Variants in TLX3 observed in about 807,000 individuals in gnomAD.
TLX3 encodes the protein T cell leukemia homeobox 3, also known as T-cell leukemia homeobox protein 3.
TLX3 carries 11 observed loss-of-function variants against 19.6 expected under a neutral mutation model. That is an observed-to-expected ratio of 0.56 (90% CI 0.35 to 0.93). The LOEUF (loss-of-function observed/expected upper bound fraction) is 0.93. Ranked by LOEUF, TLX3 falls within the 40% of genes least tolerant of loss-of-function variation. The pLI, the probability that TLX3 is intolerant of heterozygous loss-of-function variation, is 0.01. For synonymous variants in TLX3, 221 were observed against 188.1 expected (o/e 1.17, Z -1.43); for missense variants, 375 against 418.6 (o/e 0.90, Z 0.91).
chr5:171,309,336 AG>A lies in TLX3; in HGVS notation c.-29del. The A allele has an allele frequency of 2.9e-6, 1 of 341,484 alleles. No individual in the cohort carries two copies. The highest frequency in any genetic ancestry group is 4.9e-6 in the Non-Finnish European group (1 of 203,812). The allele number at this position is 341,484 out of a possible 1,614,324, so 21.2% of individuals were successfully genotyped here. On this transcript the variant is annotated 5_prime_UTR_variant, in exon 1 of 3. Coordinates refer to ENST00000296921, the MANE Select transcript of TLX3 (RefSeq NM_021025.4). ...CGGGGACCCAGCCGCCTCCCCGCCC[AG>A]CCCAGCCCAGCCCTTCCGCCCGCCC... is the stretch of plus-strand genomic sequence containing the variant.
In TLX3 at chr5:171,309,372, G is replaced by A; in HGVS notation, c.7G>A (p.Ala3Thr). The A allele has an allele frequency of 6.3e-7, 1 of 1,592,820 alleles. No individual in the cohort carries two copies. Among genetic ancestry groups the A allele is most frequent in the Non-Finnish European group, 8.5e-7 (1 of 1,172,804 alleles). ME[A>T]PASAQTPHPH... Reference sequence around the variant, plus strand: ...GCCCTTCCGCCCGCCCAGGATGGAGGCGCCCGCCAGCGCGCAGACCCCGCA... The same window carrying A: ...GCCCTTCCGCCCGCCCAGGATGGAGACGCCCGCCAGCGCGCAGACCCCGCA... Residue 3 changes from alanine (A) to threonine (T), a missense_variant, in exon 1 of 3, where the codon GCG becomes ACG. Physicochemically the swap from Ala to Thr is moderately conservative, Grantham distance 58. Around this residue, in one of 3 missense-constraint regions of TLX3, gnomAD observed 239 missense variants for 217.0 expected, o/e 1.10. Coordinates refer to ENST00000296921, the MANE Select transcript of TLX3 (RefSeq NM_021025.4).
rs1464945279 is a variant in TLX3 at position 171,309,556 on chromosome 5, C to T, written c.191C>T (p.Ala64Val). ...TACCCGTCTCTGCCCGCCTCCTTTG[C>T]GGGCCTCGGCGCGCCCTTCGAGGAC... The part of the protein sequence containing the change: ...ATYPSLPASF[A>V]GLGAPFEDAG... The change falls in exon 1 of 3, where the codon GCG becomes GTG. Residue 64 changes from alanine (A) to valine (V), a missense_variant. Ala to Val is a moderately conservative substitution (Grantham distance 64). Coordinates refer to ENST00000296921, the MANE Select transcript of TLX3 (RefSeq NM_021025.4). 1 of 1,579,772 alleles carries T rather than the reference C, an allele frequency of 6.3e-7. No individual in the cohort carries two copies.
chr5:171,310,407 G>T lies in TLX3; in HGVS notation c.665+14G>T. 1 of 1,611,626 alleles carries T rather than the reference G, an allele frequency of 6.2e-7. No homozygotes were observed. Among genetic ancestry groups the T allele is most frequent in the South Asian group, 1.1e-5 (1 of 90,822 alleles). On this transcript the variant is annotated intron_variant, in intron 2 of 2. Coordinates refer to ENST00000296921, the MANE Select transcript of TLX3 (RefSeq NM_021025.4). The stretch of plus-strand genomic sequence containing the variant: ...GACCAAGTGGCGGTGAGAGAGGCCT[G>T]ACCCGGCCCACCTTACACCTGCCCT...
rs1223942956 is a variant in TLX3, at chr5:171,309,455, C to G, written c.90C>G (p.Asp30Glu). ...IDQILNSPDQ[D>E]SAPAPRGPDG... The stretch of plus-strand genomic sequence containing the variant: ...AGATCCTTAACAGCCCGGACCAGGA[C>G]AGCGCACCCGCCCCGCGGGGCCCCG... The change falls in exon 1 of 3, where the codon GAC (aspartate) becomes GAG (glutamate). Residue 30 changes from aspartate to glutamate, a missense_variant. This residue lies in a region of TLX3 where 239 missense variants were observed against 217.0 expected (regional missense o/e 1.10). Transcript: ENST00000296921. 6.2e-7 allele frequency: 1 copy of G among 1,602,228 alleles called. No homozygotes were observed. Among genetic ancestry groups the G allele is most frequent in the East Asian group, 2.3e-5 (1 of 43,924 alleles).
At position 171,311,421 on chromosome 5, in the gene TLX3, G is replaced by A. The variant is rs781579462; in HGVS notation, c.698G>A (p.Arg233Gln). 6 of 1,564,690 alleles carry A rather than the reference G, an allele frequency of 3.8e-6. No homozygotes were observed. The South Asian group carries it at 4.7e-5, about 12-fold the overall frequency. The change falls in exon 3 of 3, where the codon CGG becomes CAG. Residue 233 changes from arginine to glutamine, a missense_variant. Arg to Gln is a conservative substitution (Grantham distance 43). This residue lies in a region of TLX3 where 74 missense variants were observed against 138.6 expected (regional missense o/e 0.53). Transcript: ENST00000296921. This position sits in a 1 kb window ranked among gnomAD's most constrained non-coding sequence, Gnocchi z 5.1. ...ACGGCGGAGGAGCGGGAGGCGGAGC[G>A]GCAGCAGGCGAGCCGGCTCATGCTG... ...RQTAEEREAE[R>Q]QQASRLMLQL...
Position 171,309,492 on chromosome 5 carries a change from T to A in TLX3, c.127T>A (p.Tyr43Asn). 6.3e-7 allele frequency: 1 copy of A among 1,583,140 alleles called. No homozygotes were observed. The highest frequency in any genetic ancestry group is 8.6e-7 in the Non-Finnish European group (1 of 1,166,964). ...CCCGCGGGGCCCCGACGGCGCCAGC[T>A]ACCTGGGAGGGCCCCCCGGGGGCCG... is the stretch of plus-strand genomic sequence containing the variant. ...PAPRGPDGAS[Y>N]LGGPPGGRPG... Residue 43 changes from tyrosine to asparagine, a missense_variant, in exon 1 of 3, where the codon TAC (tyrosine) becomes AAC (asparagine). By Grantham distance (143) the Tyr-to-Asn change is moderately radical. Around this residue, in one of 3 missense-constraint regions of TLX3, gnomAD observed 239 missense variants for 217.0 expected, o/e 1.10. Coordinates refer to ENST00000296921, the MANE Select transcript of TLX3 (RefSeq NM_021025.4).
Position 171,311,475 on chromosome 5 carries a change from G to A in TLX3, c.752G>A (p.Ser251Asn), listed in dbSNP as rs1231229372. Residue 251 changes from serine to asparagine, a missense_variant, in exon 3 of 3, where the codon AGC (serine) becomes AAC (asparagine). Transcript: ENST00000296921. This position sits in a 1 kb window ranked among gnomAD's most constrained non-coding sequence, Gnocchi z 5.1. ...CTGCAACACGACGCCTTCCAAAAGA[G>A]CCTCAACGACTCCATCCAGCCTGAC... Reference protein sequence around the residue: ...LQLQHDAFQKSLNDSIQPDPL... With the variant: ...LQLQHDAFQKNLNDSIQPDPL... 1.9e-6 allele frequency: 3 copies of A among 1,600,184 alleles called. No homozygotes were observed. Among genetic ancestry groups the A allele is most frequent in the Non-Finnish European group, 2.6e-6 (3 of 1,173,088 alleles).
rs1216406514 is a variant in TLX3, at chr5:171,311,389, G to A, written c.666G>A (p.Arg222=). The A allele has an allele frequency of 1.9e-6, 3 of 1,552,170 alleles. No individual in the cohort carries two copies. The highest frequency in any genetic ancestry group is 2.7e-5 in the African/African-American group (2 of 73,174). Residue 222 remains arginine, a splice_region_variant and synonymous_variant, in exon 3 of 3, where the codon CGG becomes CGA. Coordinates refer to ENST00000296921, the MANE Select transcript of TLX3 (RefSeq NM_021025.4). The surrounding 1 kb of genome is among the most constrained non-coding windows in gnomAD (Gnocchi z 5.1). ...TGTCCCTCTCCCTCCCCCGGTGCAG[G>A]CGGCAGACGGCGGAGGAGCGGGAGG... ...TWFQNRRTKW[R]RQTAEEREAE... is the part of the protein sequence containing the mutation.
rs1489560506 is a variant in TLX3, at chr5:171,311,238, C to T, written c.666-151C>T. The T allele has an allele frequency of 6.3e-6, 4 of 635,928 alleles. No homozygotes were observed. The highest frequency in any genetic ancestry group is 1.1e-5 in the Non-Finnish European group (4 of 372,854). The allele number at this position is 635,928 out of a possible 1,614,324, so 39.4% of individuals were successfully genotyped here. On this transcript the variant is annotated intron_variant, in intron 2 of 2. Transcript: ENST00000296921. The surrounding 1 kb of genome is among the most constrained non-coding windows in gnomAD (Gnocchi z 5.1). Reference sequence around the variant, plus strand: ...CTAACCGGCTCCCTGGATATAAGAGCCTCGGGCGTAAAGCGCGGGCTGGGA... The same window carrying T: ...CTAACCGGCTCCCTGGATATAAGAGTCTCGGGCGTAAAGCGCGGGCTGGGA...
At position 171,311,534 on chromosome 5, in the gene TLX3, C is replaced by T; in HGVS notation, c.811C>T (p.Leu271=). The change falls in exon 3 of 3, where the codon CTG becomes TTG. Residue 271 remains leucine (L), a synonymous_variant. Coordinates refer to ENST00000296921, the MANE Select transcript of TLX3 (RefSeq NM_021025.4). This position sits in a 1 kb window ranked among gnomAD's most constrained non-coding sequence, Gnocchi z 5.1. ...TCTGCACAACTCGTCACTCTTTGCTCTGCAGAATCTGCAGCCCTGGGAGGA... is the reference window on the plus strand; with the variant it reads ...TCTGCACAACTCGTCACTCTTTGCTTTGCAGAATCTGCAGCCCTGGGAGGA... ...LCLHNSSLFA[L]QNLQPWEEDS... The T allele has an allele frequency of 6.2e-7, 1 of 1,613,380 alleles. No individual in the cohort carries two copies. Among genetic ancestry groups the T allele is most frequent in the Admixed American group, 1.7e-5 (1 of 59,988 alleles).
Position 171,310,289 on chromosome 5 carries a change from C to T in TLX3, c.561C>T (p.Arg187=). Residue 187 remains arginine (R), a synonymous_variant, in exon 2 of 3, where the codon CGC becomes CGT. Coordinates refer to ENST00000296921, the MANE Select transcript of TLX3 (RefSeq NM_021025.4). ...QICELEKRFH[R]QKYLASAERA... is the part of the protein sequence containing the mutation. ...GCGAGCTGGAAAAGCGCTTCCATCG[C>T]CAGAAGTACCTGGCCTCTGCCGAGA... 1.3e-6 allele frequency: 2 copies of T among 1,597,994 alleles called. No individual in the cohort carries two copies. Among genetic ancestry groups the T allele is most frequent in the Non-Finnish European group, 1.7e-6 (2 of 1,172,714 alleles).
At position 171,311,608 on chromosome 5, in the gene TLX3, G is replaced by C. The variant is rs776450685; in HGVS notation, c.*9G>C. The C allele has an allele frequency of 1.8e-5, 29 of 1,595,308 alleles. No homozygotes were observed. In the East Asian group the frequency reaches 6.4e-4, roughly 35 times the overall value. ...TCACCTCCCTGGTGTGAGCCCACCAGCGCGCACCGTCGCCACGGATCGCCG... is the reference window on the plus strand; with the variant it reads ...TCACCTCCCTGGTGTGAGCCCACCACCGCGCACCGTCGCCACGGATCGCCG... On this transcript the variant is annotated 3_prime_UTR_variant, in exon 3 of 3. Transcript: ENST00000296921. The surrounding 1 kb of genome is among the most constrained non-coding windows in gnomAD (Gnocchi z 5.1).
chr5:171,311,546 C>T lies in TLX3; in HGVS notation c.823C>T (p.Gln275Ter), dbSNP rs369063976. 2.5e-6 allele frequency: 4 copies of T among 1,613,088 alleles called. No homozygotes were observed. Among genetic ancestry groups the T allele is most frequent in the African/African-American group, 1.3e-5 (1 of 74,912 alleles). Residue 275 changes from glutamine (Q) to a stop codon, truncating the protein, a stop_gained, in exon 3 of 3, where the codon CAG (glutamine) becomes TAG (stop). Coordinates refer to ENST00000296921, the MANE Select transcript of TLX3 (RefSeq NM_021025.4). LOFTEE classifies it high-confidence loss of function. The surrounding 1 kb of genome is among the most constrained non-coding windows in gnomAD (Gnocchi z 5.1). ...NSSLFALQNLQPWEEDSSKVP... is the reference protein window; with the variant it reads ...NSSLFALQNL The stretch of plus-strand genomic sequence containing the variant: ...GTCACTCTTTGCTCTGCAGAATCTG[C>T]AGCCCTGGGAGGAGGATAGTTCCAA...
chr5:171,309,841 G>A, intron 1 of TLX3, 55 bp downstream of exon 1: 1 of 1,488,650 alleles, frequency 6.7e-7, no homozygotes, highest in East Asian at 2.3e-5. Context: ...GGCCAGAGGC[G>A]CCGCGCCCTG....
Position 171,309,340 on chromosome 5 carries a change from C to T in TLX3, c.-26C>T. On this transcript the variant is annotated 5_prime_UTR_variant, in exon 1 of 3. Transcript: ENST00000296921. The stretch of plus-strand genomic sequence containing the variant: ...GACCCAGCCGCCTCCCCGCCCAGCC[C>T]AGCCCAGCCCTTCCGCCCGCCCAGG... The T allele has an allele frequency of 1.5e-6, 2 of 1,373,332 alleles. No individual in the cohort carries two copies. The highest frequency in any genetic ancestry group is 2.0e-6 in the Non-Finnish European group (2 of 1,004,494). The allele number at this position is 1,373,332 out of a possible 1,614,324, so 85.1% of individuals were successfully genotyped here.
chr5:171,311,386 C>G lies in TLX3; in HGVS notation c.666-3C>G. On this transcript the variant is annotated splice_polypyrimidine_tract_variant and splice_region_variant and intron_variant, in intron 2 of 2. Transcript: ENST00000296921. The surrounding 1 kb of genome is among the most constrained non-coding windows in gnomAD (Gnocchi z 5.1). ...TACTGTCCCTCTCCCTCCCCCGGTG[C>G]AGGCGGCAGACGGCGGAGGAGCGGG... 1 of 1,551,470 alleles carries G rather than the reference C, an allele frequency of 6.4e-7. No homozygotes were observed. Among genetic ancestry groups the G allele is most frequent in the Non-Finnish European group, 8.7e-7 (1 of 1,148,110 alleles).
In TLX3 at chr5:171,309,630, C is replaced by A; in HGVS notation, c.265C>A (p.Arg89=). 1.2e-6 allele frequency: 2 copies of A among 1,607,764 alleles called. No individual in the cohort carries two copies. Among genetic ancestry groups the A allele is most frequent in the East Asian group, 2.2e-5 (1 of 44,712 alleles). ...GAGCCTAGCGCCCGCAGGCGTGATC[C>A]GGGTGCCGGCGCACAGGCCGCTGCC... ...NLSLAPAGVI[R]VPAHRPLPGA... The change falls in exon 1 of 3, where the codon CGG becomes AGG. Residue 89 remains arginine, a synonymous_variant. Transcript: ENST00000296921.
Position 171,311,215 on chromosome 5 carries a change from A to G in TLX3, c.666-174A>G, listed in dbSNP as rs2113030448. Among the ~76,000 whole-genome samples the G allele has an allele frequency of 6.6e-6, 1 of 152,242 alleles. No homozygotes were observed. The highest frequency in any genetic ancestry group is 2.1e-4 in the South Asian group (1 of 4,820). ...GCACACAACAAAAACAAATGATCCT[A>G]ACCGGCTCCCTGGATATAAGAGCCT... On this transcript the variant is annotated intron_variant, in intron 2 of 2. Coordinates refer to ENST00000296921, the MANE Select transcript of TLX3 (RefSeq NM_021025.4). This position sits in a 1 kb window ranked among gnomAD's most constrained non-coding sequence, Gnocchi z 5.1.
rs1445676179 is a variant in TLX3 at position 171,312,115 on chromosome 5, T to TA, written c.*522dup. On this transcript the variant is annotated 3_prime_UTR_variant, in exon 3 of 3. Transcript: ENST00000296921. ...CTTTTATTTAAGTCTTTTTATTTAA[T>TA]AAAAAAGTTAGCTATTTCACTTAAC... The TA allele has an allele frequency of 5.6e-6, 1 of 177,262 alleles. No individual in the cohort carries two copies. The highest frequency in any genetic ancestry group is 2.4e-5 in the African/African-American group (1 of 42,206). 11.0% of individuals were successfully genotyped at this position (177,262 alleles called of 1,614,324 possible). A position where few individuals can be genotyped will look rare whatever the true frequency, so the allele number is the denominator to read the frequency against.
Sources: gnomAD v4.1 joint callset for allele counts (sites outside exome capture counted in the v4.1 genomes callset) on GRCh38, gnomAD v4.1.1 for gene constraint, gnomAD v4.1.1 regional missense constraint, Gnocchi (gnomAD v3.1) non-coding constraint, MANE v1.5 for transcripts, NCBI Gene and HGNC (gene_info 2026-07-23, HGNC 2026-07-21) for gene names.